VAV3: variants seen among roughly 807,000 people sequenced by gnomAD.
The protein encoded by VAV3 is guanine nucleotide exchange factor VAV3.
In VAV3, 94 loss-of-function variants were observed where a neutral mutation model predicts 131.2. The observed-to-expected ratio is 0.72, with a 90% CI of 0.61 to 0.85. The LOEUF (loss-of-function observed/expected upper bound fraction) is 0.85, where lower values mean the gene tolerates loss of function less well. Among genes scored for constraint, VAV3 ranks in the 40% least tolerant of loss-of-function variants. The pLI, the probability that VAV3 is intolerant of heterozygous loss-of-function variation, is 0.00. For missense variants in VAV3, 939 were observed against 1,002.7 expected (o/e 0.94, Z 0.86); for synonymous variants, 349 against 342.0 (o/e 1.02, Z -0.22).
At chr1:107,659,436 A>C (rs1465139327) in intron 19 of VAV3, among the ~76,000 whole-genome samples, 1 of 152,166 alleles carries the variant, frequency 6.6e-6, no homozygotes, top group African/African-American at 2.4e-5. Flanking sequence ...ATTTCTACGA[A>C]TCCTATAGAC....
chr1:107,866,405 A>G (rs982680429), intron 2 of VAV3, among the ~76,000 whole-genome samples: 15 of 152,176 alleles, frequency 9.9e-5, no homozygotes, highest in African/African-American at 3.6e-4. Flanking sequence ...TTGGAAGATT[A>G]TGTTGAAGAT....
chr1:107,790,679 C>CTTTTTT (rs145926469), intron 2 of VAV3, among the ~76,000 whole-genome samples: 9 of 69,840 alleles, frequency 1.3e-4, no homozygotes, highest in African/African-American at 2.9e-4. Context: ...AAATGTCTTC[C>CTTTTTT]TTTTTTTTTT....
chr1:107,678,832 A>G (rs1470193674), intron 19 of VAV3, among the ~76,000 whole-genome samples: 1 of 152,038 alleles, frequency 6.6e-6, no homozygotes, highest in Non-Finnish European at 1.5e-5. Flanking sequence ...GTGTAATCCT[A>G]GATCTTTTTA....
chr1:107,701,053 C>A (rs536771082), intron 17 of VAV3, among the ~76,000 whole-genome samples: 1 of 120,850 alleles, frequency 8.3e-6, no homozygotes, highest in East Asian at 2.3e-4. Flanking sequence ...AATGATCAGT[C>A]ATGTTGAGCT....
At chr1:107,645,935 A>C (rs183358765) in intron 19 of VAV3, among the ~76,000 whole-genome samples, 6 of 152,150 alleles carry the variant, frequency 3.9e-5, no homozygotes, top group African/African-American at 1.4e-4. Flanking sequence ...ATTGTTGCAG[A>C]GTTTATTAAT....
intron 11 of VAV3, among the ~76,000 whole-genome samples, chr1:107,757,058 T>G (rs1222914861): frequency 6.6e-6 from 1 of 152,058 alleles, no homozygotes; most frequent in African/African-American, 2.4e-5. Flanking sequence ...AAATCCAGTT[T>G]TCTCCACTAA....
chr1:107,580,420 ATT>A (rs1020319970), intron 25 of VAV3, among the ~76,000 whole-genome samples: 2 of 150,578 alleles, frequency 1.3e-5, no homozygotes, highest in Non-Finnish European at 1.5e-5. Flanking sequence ...AATAACTATT[ATT>A]TTTTTTTTCT....
intron 1 of VAV3, among the ~76,000 whole-genome samples, chr1:107,877,654 A>G (rs1670568467): frequency 6.6e-6 from 1 of 152,190 alleles, no homozygotes; most frequent in African/African-American, 2.4e-5. Context: ...AAAGTCACTT[A>G]TATACTCTCA....
chr1:107,647,343 G>A (rs185008983), intron 19 of VAV3, among the ~76,000 whole-genome samples: 26 of 151,700 alleles, frequency 1.7e-4, no homozygotes, highest in African/African-American at 6.3e-4. Context: ...AGAACATGTA[G>A]ATGTTTTATC....
chr1:107,613,923 C>A (rs1344125562), intron 21 of VAV3, among the ~76,000 whole-genome samples: 1 of 152,082 alleles, frequency 6.6e-6, no homozygotes, highest in Non-Finnish European at 1.5e-5. Context: ...GTGGAATAAT[C>A]TGGAATAATT....
intron 19 of VAV3, among the ~76,000 whole-genome samples, chr1:107,649,178 C>T (rs530390046): frequency 1.3e-5 from 2 of 152,028 alleles, no homozygotes; most frequent in African/African-American, 2.4e-5. Context: ...GGAGTTCTTT[C>T]TACATAAGGT....
At chr1:107,624,426 A>C (rs1192868161) in intron 20 of VAV3, among the ~76,000 whole-genome samples, 5 of 145,686 alleles carry the variant, frequency 3.4e-5, no homozygotes, top group Non-Finnish European at 6.1e-5. Context: ...AAGAAACAAG[A>C]GAATACCTTT....
At chr1:107,621,379 C>T (rs1444500440) in intron 20 of VAV3, among the ~76,000 whole-genome samples, 1 of 151,836 alleles carries the variant, frequency 6.6e-6, no homozygotes, top group Non-Finnish European at 1.5e-5. Context: ...AGATAGCTAT[C>T]CTACAACATT....
chr1:107,881,842 C>T (rs1670797614), intron 1 of VAV3, among the ~76,000 whole-genome samples: 1 of 152,128 alleles, frequency 6.6e-6, no homozygotes, highest in Admixed American at 6.6e-5. Context: ...CTCCTGTTAC[C>T]ACTTTAATGT....
chr1:107,819,167 C>G (rs188056969), intron 2 of VAV3, among the ~76,000 whole-genome samples: 2 of 152,116 alleles, frequency 1.3e-5, no homozygotes, highest in Non-Finnish European at 2.9e-5. Context: ...TCTTTAACAA[C>G]ATTCTATCTT....
chr1:107,771,259 T>TC (rs1295519706), intron 5 of VAV3, among the ~76,000 whole-genome samples: 2 of 151,582 alleles, frequency 1.3e-5, no homozygotes, highest in Non-Finnish European at 2.9e-5. Context: ...TCAGCTTTTT[T>TC]TTTTTTTTTT....
chr1:107,827,723 C>A (rs1668075287), intron 2 of VAV3, among the ~76,000 whole-genome samples: 1 of 152,078 alleles, frequency 6.6e-6, no homozygotes. Flanking sequence ...GGAATTATGT[C>A]CTTGCTTTTA....
At chr1:107,912,059 TTG>T (rs200212088) in intron 1 of VAV3, among the ~76,000 whole-genome samples, 1 of 150,414 alleles carries the variant, frequency 6.6e-6, no homozygotes, top group Non-Finnish European at 1.5e-5. Context: ...GTTTGTTTGT[TTG>T]TGTGTGTGTG....
intron 1 of VAV3, among the ~76,000 whole-genome samples, chr1:107,950,015 G>C (rs1197307504): frequency 6.6e-6 from 1 of 152,148 alleles, no homozygotes; most frequent in Non-Finnish European, 1.5e-5. Flanking sequence ...TGAGCTGGTT[G>C]CAAGAGGGGA....
Sources: gnomAD v4.1 joint callset for allele counts (sites outside exome capture counted in the v4.1 genomes callset) on GRCh38, gnomAD v4.1.1 for gene constraint, MANE v1.5 for transcripts, NCBI Gene and HGNC (gene_info 2026-07-23, HGNC 2026-07-21) for gene names.